The following ZC3H12C variants were observed in gnomAD, a reference collection of about 807,000 sequenced individuals.
ZC3H12C encodes probable ribonuclease ZC3H12C.
In ZC3H12C, 20 loss-of-function variants were observed where a neutral mutation model predicts 76.3. That is an observed-to-expected ratio of 0.26 (90% CI 0.18 to 0.38). The LOEUF is 0.38. Ranked by LOEUF, ZC3H12C falls within the 10% of genes least tolerant of loss-of-function variation. The pLI, the probability that ZC3H12C is intolerant of heterozygous loss-of-function variation, is 1.00. For synonymous variants in ZC3H12C, 352 were observed against 399.6 expected (o/e 0.88, Z 1.42); for missense variants, 874 against 1,086.5 (o/e 0.80, Z 2.75).
intron 2 of ZC3H12C, among the ~76,000 whole-genome samples, chr11:110,138,560 CTTT>C (rs550307579): frequency 2.1e-5 from 3 of 140,560 alleles, no homozygotes; most frequent in African/African-American, 2.6e-5. Context: ...TTACATTATT[CTTT>C]TTTTTTTTTT....
chr11:110,159,559 A>G (rs1862440753), intron 4 of ZC3H12C, 69 bp downstream of exon 4: 16 of 1,326,866 alleles, frequency 1.2e-5, no homozygotes, highest in Non-Finnish European at 1.7e-5. Context: ...GGCAGCTGCT[A>G]CAGAATTCTC....
chr11:110,138,360 T>C (rs777440666), intron 2 of ZC3H12C, among the ~76,000 whole-genome samples: 1 of 152,092 alleles, frequency 6.6e-6, no homozygotes, highest in South Asian at 2.1e-4. Flanking sequence ...AAATGCAGAT[T>C]CTATATCAGT....
Position 110,171,790 on chromosome 11 carries a change from T to A in ZC3H12C, c.*6053T>A, listed in dbSNP as rs959285325. The A allele has an allele frequency of 1.3e-5, 2 of 152,236 alleles. No individual in the cohort carries two copies. The allele number at this position is 152,236 out of a possible 1,614,324, so 9.4% of individuals were successfully genotyped here. Reference sequence around the variant, plus strand: ...AGTATCAATGTAAATGTTAGAGCCATGATTAATTCCTATGAAAATTGAAAT... The same window carrying A: ...AGTATCAATGTAAATGTTAGAGCCAAGATTAATTCCTATGAAAATTGAAAT... On this transcript the variant is annotated 3_prime_UTR_variant, in exon 6 of 6. Transcript: ENST00000278590.
At chr11:110,117,733 T>TATATACACACACACATATATAC (rs1861557645) in intron 1 of ZC3H12C, among the ~76,000 whole-genome samples, 1 of 66,198 alleles carries the variant, frequency 1.5e-5, no homozygotes, top group African/African-American at 6.0e-5. Flanking sequence ...CATATATATA[T>TATATACACACACACATATATAC]ACACACACAT....
At position 110,116,135 on chromosome 11, in the gene ZC3H12C, G is replaced by C. The variant is rs1210519683; in HGVS notation, c.22-20528G>C. On this transcript the variant is annotated intron_variant, in intron 1 of 5. Coordinates refer to ENST00000278590, the MANE Select transcript of ZC3H12C (RefSeq NM_033390.2). ...TATATTTTCTTCTAATTAAACTTCA[G>C]TTTTCTCCCTCTTGCCTTCACTCCT... Among the ~76,000 whole-genome samples the C allele has an allele frequency of 9.2e-5, 14 of 152,106 alleles. No homozygotes were observed. In the South Asian group the frequency reaches 2.9e-3, roughly 32 times the overall value.
At chr11:110,107,408 G>T (rs1403465038) in intron 1 of ZC3H12C, among the ~76,000 whole-genome samples, 1 of 152,000 alleles carries the variant, frequency 6.6e-6, no homozygotes. Flanking sequence ...TCTGAGACAG[G>T]ATCTCACTCT....
chr11:110,167,864 A>C lies in ZC3H12C; in HGVS notation c.*2127A>C, dbSNP rs982596097. 1.3e-5 allele frequency: 2 copies of C among 152,182 alleles called. No individual in the cohort carries two copies. Among genetic ancestry groups the C allele is most frequent in the African/African-American group, 4.8e-5 (2 of 41,454 alleles). 9.4% of individuals were successfully genotyped at this position (152,182 alleles called of 1,614,324 possible). On this transcript the variant is annotated 3_prime_UTR_variant, in exon 6 of 6. Transcript: ENST00000278590. ...TCTGTCTGAAAGCAACCCTACTCGC[A>C]TGTGAAATTGTTCTCCTTGATTTGG... is the stretch of plus-strand genomic sequence containing the variant.
chr11:110,158,788 C>T (rs935512186), intron 3 of ZC3H12C, among the ~76,000 whole-genome samples: 3 of 152,218 alleles, frequency 2.0e-5, no homozygotes, highest in Non-Finnish European at 4.4e-5. Context: ...TACTTCCTTT[C>T]ATACTCTCCC....
chr11:110,142,172 C>T lies in ZC3H12C; in HGVS notation c.773+4758C>T, dbSNP rs145078998. ...ATTGTTTAATTATATCATTGTGGAG[C>T]CTGACAAAGACAGATATTAGAGTTA... On this transcript the variant is annotated intron_variant, in intron 2 of 5. Transcript: ENST00000278590. Among the ~76,000 whole-genome samples, 1,341 of 152,238 alleles carry T rather than the reference C, an allele frequency of 8.8e-3. 19 individuals are homozygous for T. Among genetic ancestry groups the T allele is most frequent in the Non-Finnish European group, 8.5e-3 (579 of 68,004 alleles).
chr11:110,139,031 G>A (rs1437100746), intron 2 of ZC3H12C, among the ~76,000 whole-genome samples: 1 of 152,198 alleles, frequency 6.6e-6, no homozygotes. Flanking sequence ...AGTTCAAAGT[G>A]TAACTCAGGC....
intron 2 of ZC3H12C, among the ~76,000 whole-genome samples, chr11:110,149,676 T>C (rs1862234985): frequency 6.6e-6 from 1 of 152,240 alleles, no homozygotes; most frequent in South Asian, 2.1e-4. Context: ...TCATTGGTCA[T>C]TTGAGTTTCC....
chr11:110,109,314 T>C (rs1315407551), intron 1 of ZC3H12C, among the ~76,000 whole-genome samples: 3 of 152,218 alleles, frequency 2.0e-5, no homozygotes, highest in Non-Finnish European at 4.4e-5. Context: ...AAGCTCTCAT[T>C]CCTTCCATGG....
intron 1 of ZC3H12C, among the ~76,000 whole-genome samples, chr11:110,110,326 T>C (rs1861404179): frequency 6.6e-6 from 1 of 152,176 alleles, no homozygotes; most frequent in South Asian, 2.1e-4. Context: ...TGATTGGCCC[T>C]AGTATGCTCC....
chr11:110,094,744 C>A (rs754351830), intron 1 of ZC3H12C, among the ~76,000 whole-genome samples: 2 of 152,180 alleles, frequency 1.3e-5, no homozygotes, highest in African/African-American at 2.4e-5. Context: ...TCGGACTTGA[C>A]CCCCTGTTCA....
At chr11:110,111,767 T>A (rs1390095810) in intron 1 of ZC3H12C, among the ~76,000 whole-genome samples, 21 of 151,068 alleles carry the variant, frequency 1.4e-4, no homozygotes, top group Admixed American at 1.3e-3. Context: ...GGTCTCAAAT[T>A]CCTGGGCTCA....
In ZC3H12C at chr11:110,165,683, C is replaced by G; in HGVS notation, c.2598C>G (p.Asp866Glu). 1 of 1,596,996 alleles carries G rather than the reference C, an allele frequency of 6.3e-7. No individual in the cohort carries two copies. Among genetic ancestry groups the G allele is most frequent in the Non-Finnish European group, 8.5e-7 (1 of 1,171,246 alleles). The change falls in exon 6 of 6, where the codon GAC becomes GAG. Residue 866 changes from aspartate to glutamate, a missense_variant. Asp to Glu is a conservative substitution (Grantham distance 45). Coordinates refer to ENST00000278590, the MANE Select transcript of ZC3H12C (RefSeq NM_033390.2). ...TGAAAAGGAATCCTCACATGACAGACGCCCAGCAGCTCGCCGCAGCCATTT... is the reference window on the plus strand; with the variant it reads ...TGAAAAGGAATCCTCACATGACAGAGGCCCAGCAGCTCGCCGCAGCCATTT... ...IVMKRNPHMT[D>E]AQQLAAAILV...
intron 1 of ZC3H12C, among the ~76,000 whole-genome samples, chr11:110,125,125 A>G (rs974939840): frequency 3.3e-5 from 5 of 152,170 alleles, no homozygotes; most frequent in African/African-American, 1.2e-4. Flanking sequence ...GAAAATGGGG[A>G]ATGAGATACA....
intron 1 of ZC3H12C, among the ~76,000 whole-genome samples, chr11:110,116,341 C>G (rs1376049480): frequency 6.6e-6 from 1 of 152,044 alleles, no homozygotes; most frequent in African/African-American, 2.4e-5. Context: ...TTGGCTTTTC[C>G]AAACTAAATG....
At position 110,140,794 on chromosome 11, in the gene ZC3H12C, C is replaced by G. The variant is rs75520498; in HGVS notation, c.773+3380C>G. ...CATGAACCACTTTTGCCCATGGGAT[C>G]CATGCTCGTATTTTCTCTCTGTTAG... On this transcript the variant is annotated intron_variant, in intron 2 of 5. Transcript: ENST00000278590. Among the ~76,000 whole-genome samples the G allele has an allele frequency of 5.9e-4, 90 of 152,230 alleles. No homozygotes were observed. The East Asian group carries it at 0.015, about 25-fold the overall frequency.
Sources: allele counts gnomAD v4.1 joint callset (sites outside exome capture counted in the v4.1 genomes callset), GRCh38; gene constraint gnomAD v4.1.1; transcripts MANE v1.5; gene names NCBI Gene and HGNC (gene_info 2026-07-23, HGNC 2026-07-21).